PCDHA5: variants seen among roughly 807,000 people sequenced by gnomAD.
The protein encoded by PCDHA5 is protocadherin alpha 5.
In PCDHA5, 43 loss-of-function variants were observed where a neutral mutation model predicts 61.6. That is an observed-to-expected ratio of 0.70 (90% CI 0.55 to 0.90). PCDHA5 has a LOEUF of 0.90. Ranked by LOEUF, PCDHA5 falls within the 40% of genes least tolerant of loss-of-function variation. PCDHA5 has a pLI of 0.00. For missense variants in PCDHA5, 1,298 were observed against 1,222.7 expected (o/e 1.06, Z -0.92); for synonymous variants, 627 against 543.9 (o/e 1.15, Z -2.13).
intron 1 of PCDHA5, among the ~76,000 whole-genome samples, chr5:140,907,969 A>C (rs1355560411): frequency 1.3e-5 from 2 of 152,204 alleles, no homozygotes; most frequent in African/African-American, 4.8e-5. Flanking sequence ...CCAATTTTCC[A>C]ATCATGCTTC....
intron 1 of PCDHA5, chr5:140,930,381 A>G (rs569032116): frequency 2.0e-5 from 3 of 152,008 alleles, no homozygotes; most frequent in East Asian, 3.9e-4. Flanking sequence ...GGCCCTTGGC[A>G]TTTCAAAACT....
At chr5:141,009,257 C>T (rs1375950001) in intron 3 of PCDHA5, among the ~76,000 whole-genome samples, 1 of 152,136 alleles carries the variant, frequency 6.6e-6, no homozygotes, top group East Asian at 1.9e-4. Flanking sequence ...GTGTTTGAGA[C>T]CAGCCTGGGC....
At position 140,870,714 on chromosome 5, in the gene PCDHA5, C is replaced by A. The variant is rs2052324296; in HGVS notation, c.2352+46587C>A. On this transcript the variant is annotated intron_variant, in intron 1 of 3. Transcript: ENST00000529859. ...TGCTACAGTTCCAGGTGAGCGCGCG[C>A]GATGCGGGCGTGCCGCCTCTGAGCA... 6 of 1,612,992 alleles carry A rather than the reference C, an allele frequency of 3.7e-6. No individual in the cohort carries two copies. The African/African-American group carries it at 4.0e-5, about 11-fold the overall frequency.
intron 1 of PCDHA5, chr5:140,850,278 C>T: frequency 6.3e-7 from 1 of 1,595,340 alleles, no homozygotes; most frequent in Non-Finnish European, 8.6e-7. Flanking sequence ...GGGGAAGGTG[C>T]GCGCAGTGGA....
intron 1 of PCDHA5, chr5:140,927,923 CTCT>C: frequency 6.2e-7 from 1 of 1,614,232 alleles, no homozygotes; most frequent in East Asian, 2.2e-5. Context: ...GACTTCCTGA[CTCT>C]TTCGAACCCA....
chr5:140,926,780 G>A, intron 1 of PCDHA5: 2 of 1,397,714 alleles, frequency 1.4e-6, no homozygotes, highest in Non-Finnish European at 1.9e-6. Context: ...CAGCAGTGAC[G>A]GCCGGCAGGA....
At chr5:140,829,972 C>T (rs1344342673) in intron 1 of PCDHA5, 1 of 1,613,888 alleles carries the variant, frequency 6.2e-7, no homozygotes, top group African/African-American at 1.3e-5. Context: ...TGGGGCTGTA[C>T]ACGGGCGAGA....
intron 1 of PCDHA5, among the ~76,000 whole-genome samples, chr5:140,892,007 T>C (rs1285446962): frequency 1.3e-5 from 2 of 152,244 alleles, no homozygotes; most frequent in South Asian, 2.1e-4. Context: ...CATTCTGTTA[T>C]AGCAGCACAA....
chr5:140,925,330 A>G (rs1459062876), intron 1 of PCDHA5, among the ~76,000 whole-genome samples: 2 of 152,132 alleles, frequency 1.3e-5, no homozygotes, highest in African/African-American at 4.8e-5. Context: ...CCTGTATTAA[A>G]AGAAGGATTT....
intron 1 of PCDHA5, among the ~76,000 whole-genome samples, chr5:140,952,174 A>T (rs1376987356): frequency 6.6e-6 from 1 of 152,096 alleles, no homozygotes; most frequent in Non-Finnish European, 1.5e-5. Flanking sequence ...CAGTTCCTGC[A>T]GCTGCTCTCA....
intron 3 of PCDHA5, among the ~76,000 whole-genome samples, chr5:140,989,551 C>T (rs964653534): frequency 2.0e-5 from 3 of 152,178 alleles, no homozygotes; most frequent in African/African-American, 4.8e-5. Flanking sequence ...AATTCCTTTA[C>T]GTTTTGTGGC....
intron 1 of PCDHA5, chr5:140,861,213 A>C: frequency 6.0e-6 from 1 of 166,518 alleles, no homozygotes; most frequent in Non-Finnish European, 1.3e-5. Flanking sequence ...ACTAACCAAA[A>C]GAGAGGCATA....
chr5:140,926,704 T>C (rs1481559865), intron 1 of PCDHA5: 7 of 842,670 alleles, frequency 8.3e-6, no homozygotes, highest in Non-Finnish European at 1.2e-5. Context: ...GGCTCCCAGC[T>C]GGCCAGCCCC....
At chr5:140,927,824 A>C in intron 1 of PCDHA5, 1 of 1,614,182 alleles carries the variant, frequency 6.2e-7, no homozygotes, top group Non-Finnish European at 8.5e-7. Context: ...GCATACATTG[A>C]GGCGAGGGAC....
At chr5:140,835,713 G>A (rs1490262611) in intron 1 of PCDHA5, 1 of 1,613,696 alleles carries the variant, frequency 6.2e-7, no homozygotes, top group African/African-American at 1.3e-5. Context: ...CGTGTCCGTG[G>A]AGGTGGCCGA....
At chr5:140,858,356 T>G (rs782216764) in intron 1 of PCDHA5, 1 of 1,593,100 alleles carries the variant, frequency 6.3e-7, no homozygotes, top group Non-Finnish European at 8.6e-7. Context: ...CCTCATGGCC[T>G]TCAGCCCCAG....
intron 1 of PCDHA5, among the ~76,000 whole-genome samples, chr5:140,913,111 T>C (rs2076211610): frequency 6.6e-6 from 1 of 152,194 alleles, no homozygotes; most frequent in Non-Finnish European, 1.5e-5. Context: ...TAGAATCAGT[T>C]TGGAAGTTAA....
chr5:140,889,077 T>G (rs1476404733), intron 1 of PCDHA5, among the ~76,000 whole-genome samples: 1 of 152,076 alleles, frequency 6.6e-6, no homozygotes, highest in Non-Finnish European at 1.5e-5. Flanking sequence ...CTTATTTTGT[T>G]AAATTTTCAA....
Position 141,000,690 on chromosome 5 carries a change from A to G in PCDHA5, c.2501-8937A>G, listed in dbSNP as rs550187550. On this transcript the variant is annotated intron_variant, in intron 3 of 3. Transcript: ENST00000529859. The stretch of plus-strand genomic sequence containing the variant: ...TGATCCACCTGCCTCTGCCTCCCAA[A>G]GTGCTGGGATTACAGGCATGAGCCA... 4.2e-3 allele frequency among the ~76,000 whole-genome samples: 638 copies of G among 151,554 alleles called. 1 individual carries two copies. The highest frequency in any genetic ancestry group is 7.2e-3 in the Non-Finnish European group (489 of 67,874).
Sources: gnomAD v4.1 joint callset for allele counts (sites outside exome capture counted in the v4.1 genomes callset) on GRCh38, gnomAD v4.1.1 for gene constraint, MANE v1.5 for transcripts, NCBI Gene and HGNC (gene_info 2026-07-23, HGNC 2026-07-21) for gene names.